The following SPRY3 variants were observed in gnomAD, a reference collection of about 807,000 sequenced individuals.
SPRY3 encodes the protein protein sprouty homolog 3.
A neutral mutation model predicts 20.2 loss-of-function variants in SPRY3; 15 were observed. The ratio of observed to expected loss-of-function variants is 0.74; its 90% confidence interval spans 0.50 to 1.14. The LOEUF is 1.14. Ranked by LOEUF, SPRY3 falls within the 50% of genes most tolerant of loss-of-function variation. The probability of loss-of-function intolerance (pLI) is 0.00; values close to 1 mark genes in which losing one functional copy is unlikely to be tolerated. For synonymous variants in SPRY3, 143 were observed against 136.5 expected (o/e 1.05, Z -0.33); for missense variants, 364 against 363.9 (o/e 1.00, Z 0.00).
At chrX:155,616,543 A>C (rs1314840684) in intron 1 of SPRY3, among the ~76,000 whole-genome samples, 1 of 110,970 alleles carries the variant, frequency 9.0e-6, no homozygotes, top group African/African-American at 3.3e-5. Context: ...AAATGATGCA[A>C]AAATAATCCC....
Position 155,665,787 on chromosome X carries a change from G to A in SPRY3, c.-282+8762G>A, listed in dbSNP as rs191402331. ...TGGGGGATGAAGGAATGGAGGTAGG[G>A]TTTATCTCTATCTGTAATGTTTTAT... On this transcript the variant is annotated intron_variant, in intron 2 of 3. Coordinates refer to ENST00000675360, the Ensembl canonical transcript of SPRY3. 1.9e-3 allele frequency among the ~76,000 whole-genome samples: 216 copies of A among 111,399 alleles called. 1 individual carries two copies. The highest frequency in any genetic ancestry group is 6.7e-3 in the African/African-American group (206 of 30,767).
At chrX:155,780,867 A>G (rs1408345243), downstream of SPRY3, 1 of 167,058 alleles carries the variant, frequency 6.0e-6, no homozygotes, top group Non-Finnish European at 1.5e-5. Flanking sequence ...AAAGAAAAAC[A>G]AAGGTTAAGA....
At chrX:155,735,463 A>G (rs1432166842) in intron 2 of SPRY3, among the ~76,000 whole-genome samples, 1 of 152,008 alleles carries the variant, frequency 6.6e-6, no homozygotes, top group African/African-American at 2.4e-5. Context: ...TTGCAGTTCT[A>G]TCAGTTTTGG....
chrX:155,748,797 G>A (rs1271941306), intron 2 of SPRY3, among the ~76,000 whole-genome samples: 7 of 151,690 alleles, frequency 4.6e-5, no homozygotes, highest in Admixed American at 2.0e-4. Context: ...CAAGAGATAG[G>A]GCAATCAGAT....
intron 2 of SPRY3, among the ~76,000 whole-genome samples, chrX:155,766,220 C>A (rs2124597065): frequency 6.6e-6 from 1 of 152,286 alleles, no homozygotes; most frequent in South Asian, 2.1e-4. Context: ...CATACATACA[C>A]ACAGGAGCAT....
intron 1 of SPRY3, among the ~76,000 whole-genome samples, chrX:155,650,188 A>G (rs1442326346): frequency 2.7e-5 from 3 of 111,630 alleles, no homozygotes; most frequent in Non-Finnish European, 5.7e-5. Flanking sequence ...TACTGCTCAT[A>G]GTAATTTATA....
chrX:155,728,543 G>A (rs2091114402), intron 2 of SPRY3, among the ~76,000 whole-genome samples: 1 of 152,178 alleles, frequency 6.6e-6, no homozygotes. Flanking sequence ...CCTCCAGGCT[G>A]CAGCCTTGCA....
intron 3 of SPRY3, among the ~76,000 whole-genome samples, chrX:155,771,755 G>A (rs2091383132): frequency 6.6e-6 from 1 of 152,086 alleles, no homozygotes; most frequent in African/African-American, 2.4e-5. Flanking sequence ...TACAGCAAAG[G>A]TAGAGGTGGC....
intron 2 of SPRY3, among the ~76,000 whole-genome samples, chrX:155,703,679 G>A (rs1440352564): frequency 2.1e-5 from 3 of 145,466 alleles, no homozygotes; most frequent in Non-Finnish European, 4.5e-5. Flanking sequence ...GTTTGCTCTT[G>A]CTTTTCTAGT....
chrX:155,736,728 G>T (rs756712858), intron 2 of SPRY3, among the ~76,000 whole-genome samples: 1 of 151,944 alleles, frequency 6.6e-6, no homozygotes, highest in African/African-American at 2.4e-5. Flanking sequence ...TGCATCTGTG[G>T]TTTGGTATCT....
exon 4 of SPRY3, chrX:155,774,960 A>C (rs914824860): frequency 3.8e-5 from 23 of 608,696 alleles, no homozygotes; most frequent in Admixed American, 6.4e-5. Flanking sequence ...ACACCCTGCC[A>C]GCTCAGCCTT....
intron 2 of SPRY3, among the ~76,000 whole-genome samples, chrX:155,736,985 T>A (rs1200258150): frequency 1.3e-5 from 2 of 152,134 alleles, no homozygotes; most frequent in East Asian, 3.9e-4. Flanking sequence ...GGTGAGCCCA[T>A]CAAAGACATT....
intron 1 of SPRY3, among the ~76,000 whole-genome samples, chrX:155,638,330 A>AAAG (rs2067930725): frequency 8.7e-4 from 2 of 2,308 alleles, no homozygotes; most frequent in Non-Finnish European, 4.0e-3. Context: ...ATATATATAT[A>AAAG]TATATATATA....
intron 2 of SPRY3, among the ~76,000 whole-genome samples, chrX:155,659,156 T>TTTCTTTC (rs1557353364): frequency 9.5e-6 from 1 of 105,566 alleles, no homozygotes; most frequent in African/African-American, 3.5e-5. Flanking sequence ...TCTTTCTTTC[T>TTTCTTTC]TTTTTTGAGA....
At chrX:155,630,017 A>G (rs1348322194) in intron 1 of SPRY3, among the ~76,000 whole-genome samples, 1 of 111,792 alleles carries the variant, frequency 8.9e-6, no homozygotes, top group Non-Finnish European at 1.9e-5. Flanking sequence ...TGTTAGGCTT[A>G]CAAAAAACAT....
chrX:155,693,201 A>G (rs992697603), intron 2 of SPRY3, among the ~76,000 whole-genome samples: 1 of 111,000 alleles, frequency 9.0e-6, no homozygotes, highest in African/African-American at 3.3e-5. Context: ...ATCTCAAAAT[A>G]TTATCTAATG....
At chrX:155,716,706 CT>C (rs971393344) in intron 2 of SPRY3, among the ~76,000 whole-genome samples, 4 of 151,628 alleles carry the variant, frequency 2.6e-5, no homozygotes, top group Non-Finnish European at 4.4e-5. Flanking sequence ...TTAATCATAA[CT>C]TTTTTTTAAT....
At chrX:155,779,928 C>G (rs1394289775), downstream of SPRY3, 1 of 166,942 alleles carries the variant, frequency 6.0e-6, no homozygotes, top group Admixed American at 6.6e-5. Context: ...GACTGAAATT[C>G]TTGGTCCCTT....
intron 2 of SPRY3, among the ~76,000 whole-genome samples, chrX:155,712,510 C>G (rs1602955840): frequency 2.0e-5 from 3 of 151,976 alleles, no homozygotes; most frequent in Admixed American, 2.0e-4. Context: ...TACTTCTGCT[C>G]TTTTTGGTTT....
Sources: gnomAD v4.1 joint callset for allele counts (sites outside exome capture counted in the v4.1 genomes callset) on GRCh38, gnomAD v4.1.1 for gene constraint, MANE v1.5 for transcripts, NCBI Gene and HGNC (gene_info 2026-07-23, HGNC 2026-07-21) for gene names.